The following POT1 variants were observed in gnomAD, a reference collection of about 807,000 sequenced individuals.
POT1 encodes the protein protection of telomeres 1, also known as protection of telomeres protein 1.
POT1 carries 47 observed loss-of-function variants against 78.5 expected under a neutral mutation model. That is an observed-to-expected ratio of 0.60 (90% CI 0.47 to 0.76). POT1 has a LOEUF of 0.76. Among genes scored for constraint, POT1 ranks in the 30% least tolerant of loss-of-function variants. POT1 has a pLI of 0.00. For synonymous variants in POT1, 259 were observed against 260.7 expected (o/e 0.99, Z 0.06); for missense variants, 646 against 749.9 (o/e 0.86, Z 1.62).
At chr7:124,867,724 G>A (rs1459469357) in intron 7 of POT1, among the ~76,000 whole-genome samples, 1 of 151,918 alleles carries the variant, frequency 6.6e-6, no homozygotes, top group African/African-American at 2.4e-5. Context: ...TCGGCTCACT[G>A]CAACCTCTGC....
intron 6 of POT1, among the ~76,000 whole-genome samples, chr7:124,882,731 A>T (rs1220625674): frequency 6.6e-6 from 1 of 152,018 alleles, no homozygotes; most frequent in African/African-American, 2.4e-5. Flanking sequence ...ATGATTCATT[A>T]AAACAATTCA....
intron 2 of POT1, among the ~76,000 whole-genome samples, chr7:124,923,102 C>CATGAAAAAGCAGGGAAAT (rs1209460273): frequency 7.3e-5 from 11 of 150,142 alleles, no homozygotes; most frequent in Non-Finnish European, 1.6e-4. Context: ...GCACAGGAAA[C>CATGAAAAAGCAGGGAAAT]ATGAAAAAGC....
chr7:124,912,050 G>A (rs941060105), intron 3 of POT1, among the ~76,000 whole-genome samples: 3 of 152,012 alleles, frequency 2.0e-5, no homozygotes, highest in Admixed American at 6.6e-5. Flanking sequence ...TAAACTACTG[G>A]GCTCAGGGTT....
intron 6 of POT1, among the ~76,000 whole-genome samples, chr7:124,883,869 A>G (rs1036699035): frequency 6.6e-6 from 1 of 151,804 alleles, no homozygotes; most frequent in African/African-American, 2.4e-5. Flanking sequence ...ACATCATACT[A>G]GATTCTTTCA....
intron 14 of POT1, among the ~76,000 whole-genome samples, chr7:124,836,380 T>C (rs1214652598): frequency 1.3e-5 from 2 of 152,156 alleles, no homozygotes; most frequent in African/African-American, 4.8e-5. Flanking sequence ...TGCTATATCA[T>C]ATTGCAGCTA....
chr7:124,841,043 T>A lies in POT1; in HGVS notation c.1299A>T (p.Lys433Asn), dbSNP rs1219744946. 4 of 1,612,454 alleles carry A rather than the reference T, an allele frequency of 2.5e-6. No homozygotes were observed. The highest frequency in any genetic ancestry group is 3.4e-6 in the Non-Finnish European group (4 of 1,178,930). ...TATTTTTCACAAAATGAACTGCTAC[T>A]TTTCGTCCTTTTTGATTTTTAGTGG... ...IWTTKNQKGR[K>N]VAVHFVKNNG... Residue 433 changes from lysine (K) to asparagine (N), a missense_variant, in exon 14 of 19, where the codon AAA becomes AAT. By Grantham distance (94) the Lys-to-Asn change is moderately conservative. Transcript: ENST00000357628.
chr7:124,840,013 A>C (rs62478919), intron 14 of POT1, among the ~76,000 whole-genome samples: 1 of 149,454 alleles, frequency 6.7e-6, no homozygotes, highest in Non-Finnish European at 1.5e-5. Flanking sequence ...TTTTTTTTTA[A>C]GGAGCAGTTT....
At chr7:124,868,665 G>A (rs1351270110) in intron 7 of POT1, among the ~76,000 whole-genome samples, 1 of 150,232 alleles carries the variant, frequency 6.7e-6, no homozygotes, top group African/African-American at 2.4e-5. Flanking sequence ...ATATAAAAAA[G>A]TAATAATCCT....
chr7:124,889,819 G>T (rs1687980001), intron 6 of POT1, among the ~76,000 whole-genome samples: 1 of 151,946 alleles, frequency 6.6e-6, no homozygotes, highest in Admixed American at 6.6e-5. Context: ...CAGCAAAAAA[G>T]ATTCTTTTCA....
intron 3 of POT1, among the ~76,000 whole-genome samples, chr7:124,902,841 C>G (rs944357767): frequency 6.6e-5 from 10 of 151,796 alleles, no homozygotes; most frequent in African/African-American, 2.4e-4. Flanking sequence ...ATCTACCAAG[C>G]AAATGGAAAC....
chr7:124,920,196 A>G (rs988472329), intron 2 of POT1, among the ~76,000 whole-genome samples: 4 of 152,302 alleles, frequency 2.6e-5, no homozygotes, highest in Admixed American at 6.5e-5. Flanking sequence ...GAATCCAAAT[A>G]TTCCTACACT....
At chr7:124,832,007 A>ATT (rs137946574) in intron 15 of POT1, among the ~76,000 whole-genome samples, 1 of 143,876 alleles carries the variant, frequency 7.0e-6, no homozygotes, top group Non-Finnish European at 1.5e-5. Context: ...AATAAAAAAA[A>ATT]AAAAAAAAAA....
At chr7:124,883,103 T>G (rs12706624) in intron 6 of POT1, among the ~76,000 whole-genome samples, 4 of 151,986 alleles carry the variant, frequency 2.6e-5, no homozygotes, top group Non-Finnish European at 4.4e-5. Flanking sequence ...CAGTTAAGCA[T>G]CTGGGAAGAG....
chr7:124,860,222 T>C (rs1795553675), intron 8 of POT1, among the ~76,000 whole-genome samples: 1 of 152,128 alleles, frequency 6.6e-6, no homozygotes, highest in Non-Finnish European at 1.5e-5. Flanking sequence ...ATTTTTGCTA[T>C]GTACATATAC....
In POT1 at chr7:124,859,015, T is replaced by C; in HGVS notation, c.644A>G (p.Asn215Ser). The change falls in exon 9 of 19, where the codon AAT (asparagine) becomes AGT (serine). Residue 215 changes from asparagine to serine, a missense_variant. Transcript: ENST00000357628. ...GDLSHIHRLQNLTIDILVYDN... is the reference protein window; with the variant it reads ...GDLSHIHRLQSLTIDILVYDN... ...GTAGACTAAAATGTCTATTGTCAGA[T>C]TTTGTAGCCGATGGATGTGACTTAA... 1 of 1,611,126 alleles carries C rather than the reference T, an allele frequency of 6.2e-7. No individual in the cohort carries two copies. Among genetic ancestry groups the C allele is most frequent in the South Asian group, 1.1e-5 (1 of 90,734 alleles).
At chr7:124,825,875 A>G (rs1340639938) in intron 17 of POT1, among the ~76,000 whole-genome samples, 1 of 152,140 alleles carries the variant, frequency 6.6e-6, no homozygotes, top group African/African-American at 2.4e-5. Flanking sequence ...TAGGTGGGAG[A>G]AAAATTCTCC....
chr7:124,897,585 CT>C (rs2116644605), intron 4 of POT1, among the ~76,000 whole-genome samples: 1 of 151,900 alleles, frequency 6.6e-6, no homozygotes, highest in East Asian at 1.9e-4. Context: ...AAAATTTTTC[CT>C]GCATAGAACC....
chr7:124,905,862 A>G (rs549862044), intron 3 of POT1, among the ~76,000 whole-genome samples: 1 of 152,232 alleles, frequency 6.6e-6, no homozygotes, highest in Non-Finnish European at 1.5e-5. Flanking sequence ...GAAGACATTT[A>G]TGCAGCCAAC....
At chr7:124,827,187 AAT>A (rs1794650346) in intron 17 of POT1, 25 bp downstream of exon 17, 1 of 1,280,872 alleles carries the variant, frequency 7.8e-7, no homozygotes, top group South Asian at 1.9e-5. Flanking sequence ...TTTAATTAAA[AAT>A]ATCTTTATTA....
Sources: gnomAD v4.1 joint callset for allele counts (sites outside exome capture counted in the v4.1 genomes callset) on GRCh38, gnomAD v4.1.1 for gene constraint, MANE v1.5 for transcripts, NCBI Gene and HGNC (gene_info 2026-07-23, HGNC 2026-07-21) for gene names.